Variants in FNBP4 observed in about 807,000 individuals in gnomAD.
The protein encoded by FNBP4 is formin-binding protein 4.
A neutral mutation model predicts 119.3 loss-of-function variants in FNBP4; 34 were observed. The observed-to-expected ratio is 0.28, with a 90% CI of 0.22 to 0.38. FNBP4 has a LOEUF of 0.38. Ranked by LOEUF, FNBP4 falls within the 10% of genes least tolerant of loss-of-function variation. The probability of loss-of-function intolerance (pLI) is 1.00; values close to 1 mark genes in which losing one functional copy is unlikely to be tolerated. For missense variants in FNBP4, 1,112 were observed against 1,228.9 expected, an observed-to-expected ratio of 0.90 and a Z score of 1.42; for synonymous variants, 462 against 430.6, an observed-to-expected ratio of 1.07 and a Z score of -0.90.
chr11:47,734,152 A>G lies in FNBP4; in HGVS notation c.1582-23T>C, dbSNP rs763235507. On this transcript the variant is annotated intron_variant, in intron 9 of 16. Transcript: ENST00000263773. ...AAACTACAATGCAAAAAAGAAAAAA[A>G]GTAAAACTAGAATCCGTAACATTTT... 2.8e-5 allele frequency: 37 copies of G among 1,328,616 alleles called. No individual in the cohort carries two copies. The Admixed American group carries it at 4.6e-4, about 16-fold the overall frequency. 82.3% of individuals were successfully genotyped at this position (1,328,616 alleles called of 1,614,324 possible). A position where few individuals can be genotyped will look rare whatever the true frequency, so the allele number is the denominator to read the frequency against.
chr11:47,719,576 A>ATGTGTGTGTGTGTGTGTG (rs66711141), intron 16 of FNBP4, among the ~76,000 whole-genome samples: 8 of 147,692 alleles, frequency 5.4e-5, no homozygotes, highest in African/African-American at 2.0e-4. Context: ...TTATGTGTGT[A>ATGTGTGTGTGTGTGTGTG]TGTGTGTGTG....
intron 2 of FNBP4, among the ~76,000 whole-genome samples, chr11:47,763,628 G>A (rs2135291720): frequency 6.6e-6 from 1 of 152,060 alleles, no homozygotes; most frequent in East Asian, 2.0e-4. Context: ...AGCCTCCCGA[G>A]TAGCTGGGAC....
chr11:47,751,753 A>G (rs1040429952), intron 4 of FNBP4, among the ~76,000 whole-genome samples: 1 of 152,104 alleles, frequency 6.6e-6, no homozygotes, highest in Non-Finnish European at 1.5e-5. Flanking sequence ...GGAGTTTGAG[A>G]CCAGCCTGAT....
chr11:47,766,120 C>A (rs931172367), intron 1 of FNBP4, among the ~76,000 whole-genome samples: 1 of 151,924 alleles, frequency 6.6e-6, no homozygotes, highest in Admixed American at 6.6e-5. Context: ...GAGTTCGAGA[C>A]CAGCCCGGGA....
intron 12 of FNBP4, chr11:47,729,919 A>C (rs2097565522): frequency 2.0e-6 from 2 of 985,354 alleles, no homozygotes; most frequent in African/African-American, 3.5e-5. Context: ...TAAGAATATA[A>C]CCTGTTTTAT....
intron 2 of FNBP4, among the ~76,000 whole-genome samples, chr11:47,758,647 G>A (rs2097625518): frequency 6.6e-6 from 1 of 151,804 alleles, no homozygotes; most frequent in Non-Finnish European, 1.5e-5. Flanking sequence ...GGTGGATCAC[G>A]AGGTCAGATC....
intron 16 of FNBP4, among the ~76,000 whole-genome samples, chr11:47,718,527 G>A (rs1379487162): frequency 1.3e-5 from 2 of 152,050 alleles, no homozygotes; most frequent in Non-Finnish European, 2.9e-5. Context: ...TAATGTTTTT[G>A]AGTTTCTCTT....
At chr11:47,758,646 C>CTT (rs2097625509) in intron 2 of FNBP4, among the ~76,000 whole-genome samples, 1 of 151,890 alleles carries the variant, frequency 6.6e-6, no homozygotes. Context: ...AGGTGGATCA[C>CTT]GAGGTCAGAT....
chr11:47,759,463 C>T (rs918528426), intron 2 of FNBP4, among the ~76,000 whole-genome samples: 17 of 151,842 alleles, frequency 1.1e-4, no homozygotes, highest in African/African-American at 3.9e-4. Context: ...ATCTGCCTGC[C>T]TTGGCCTCCG....
At chr11:47,746,003 T>A in intron 7 of FNBP4, 53 bp downstream of exon 7, 1 of 1,405,816 alleles carries the variant, frequency 7.1e-7, no homozygotes, top group Non-Finnish European at 9.7e-7. Context: ...CAATGATCCC[T>A]GTAGAGTAGT....
At chr11:47,727,298 G>A (rs936733630) in intron 12 of FNBP4, among the ~76,000 whole-genome samples, 3 of 144,022 alleles carry the variant, frequency 2.1e-5, no homozygotes, top group Non-Finnish European at 3.0e-5. Flanking sequence ...TGTCCACGCC[G>A]GAGTGCAGTG....
At chr11:47,718,702 T>G (rs922437617) in intron 16 of FNBP4, among the ~76,000 whole-genome samples, 1 of 152,180 alleles carries the variant, frequency 6.6e-6, no homozygotes, top group Non-Finnish European at 1.5e-5. Context: ...ACACTGACAA[T>G]TGATGAACAG....
intron 4 of FNBP4, chr11:47,752,652 T>C: frequency 3.3e-6 from 1 of 300,186 alleles, no homozygotes; most frequent in Non-Finnish European, 6.3e-6. Flanking sequence ...TCTACTAAAA[T>C]ACAAAAGAGA....
intron 6 of FNBP4, 130 bp downstream of exon 6, chr11:47,750,786 T>C: frequency 1.0e-6 from 1 of 957,556 alleles, no homozygotes; most frequent in East Asian, 2.4e-5. Flanking sequence ...AGAAACAAAG[T>C]GAAAGTTATG....
Position 47,732,562 on chromosome 11 carries a change from T to C in FNBP4, c.1795A>G (p.Lys599Glu). The C allele has an allele frequency of 6.2e-7, 1 of 1,614,162 alleles. No individual in the cohort carries two copies. Among genetic ancestry groups the C allele is most frequent in the Non-Finnish European group, 8.5e-7 (1 of 1,180,022 alleles). Residue 599 changes from lysine to glutamate, a missense_variant, in exon 11 of 17, where the codon AAA (lysine) becomes GAA (glutamate). Around this residue, in one of 2 missense-constraint regions of FNBP4, gnomAD observed 826 missense variants for 988.8 expected, o/e 0.84. Coordinates refer to ENST00000263773, the MANE Select transcript of FNBP4 (RefSeq NM_015308.5). The surrounding 1 kb of genome is among the most constrained non-coding windows in gnomAD (Gnocchi z 4.2). ...LKQYEINATP[K>E]GWSCHWDRDH... Reference sequence around the variant, plus strand: ...CTGTCCCAGTGGCAGGACCAGCCTTTAGGAGTGGCGTTTATTTCATACTGT... The same window carrying C: ...CTGTCCCAGTGGCAGGACCAGCCTTCAGGAGTGGCGTTTATTTCATACTGT...
At position 47,746,225 on chromosome 11, in the gene FNBP4, C is replaced by T. The variant is rs1036413725; in HGVS notation, c.1076G>A (p.Ser359Asn). The T allele has an allele frequency of 1.2e-6, 2 of 1,614,118 alleles. No individual in the cohort carries two copies. The highest frequency in any genetic ancestry group is 1.7e-6 in the Non-Finnish European group (2 of 1,180,014). ...EEPVSEVKET[S>N]TTVEEATTIV... is the part of the protein sequence containing the mutation. ...TGTTGTTGCTTCTTCTACTGTTGTA[C>T]TTGTTTCTTTTACTTCTGAAACTGG... The change falls in exon 7 of 17, where the codon AGT becomes AAT. Residue 359 changes from serine (S) to asparagine (N), a missense_variant. Physicochemically the swap from Ser to Asn is conservative, Grantham distance 46. Transcript: ENST00000263773.
intron 6 of FNBP4, among the ~76,000 whole-genome samples, chr11:47,750,711 A>AAAAAAAG (rs1213380630): frequency 7.5e-5 from 9 of 120,784 alleles, no homozygotes; most frequent in Admixed American, 1.6e-4. Flanking sequence ...AAAAAAAAAA[A>AAAAAAAG]AAAAAAGAAA....
Position 47,722,160 on chromosome 11 carries a change from T to G in FNBP4, c.2805+816A>C, listed in dbSNP as rs1411273884. 2.1e-5 allele frequency among the ~76,000 whole-genome samples: 3 copies of G among 139,978 alleles called. No individual in the cohort carries two copies. In the East Asian group the frequency reaches 6.4e-4, roughly 30 times the overall value. The allele number at this position is 139,978 out of a possible 152,430, so 91.8% of individuals were successfully genotyped here. A position where few individuals can be genotyped will look rare whatever the true frequency, so the allele number is the denominator to read the frequency against. On this transcript the variant is annotated intron_variant, in intron 15 of 16. Transcript: ENST00000263773. ...AAGCAGAGGGTTTTTTTTTTTTTTG[T>G]CTGTTTGATGTACTGCTAAATCCTA...
intron 4 of FNBP4, 56 bp downstream of exon 4, chr11:47,752,860 C>T: frequency 7.0e-7 from 1 of 1,421,042 alleles, no homozygotes; most frequent in Non-Finnish European, 9.7e-7. Flanking sequence ...AAAGTGAATG[C>T]CTAGAATCCC....
Sources: allele counts gnomAD v4.1 joint callset (sites outside exome capture counted in the v4.1 genomes callset), GRCh38; gene constraint gnomAD v4.1.1; regional missense constraint gnomAD v4.1.1; non-coding constraint Gnocchi (gnomAD v3.1); transcripts MANE v1.5; gene names NCBI Gene and HGNC (gene_info 2026-07-23, HGNC 2026-07-21).